The following ACOXL variants were observed in gnomAD, a reference collection of about 807,000 sequenced individuals.
The protein encoded by ACOXL is acyl-coenzyme A oxidase-like protein.
In ACOXL, 70 loss-of-function variants were observed where a neutral mutation model predicts 71.9. The ratio of observed to expected loss-of-function variants is 0.97; its 90% confidence interval spans 0.80 to 1.19. ACOXL has a LOEUF of 1.19. ACOXL is among the 50% of genes most tolerant of loss of function. ACOXL has a pLI of 0.00. For synonymous variants in ACOXL, 253 were observed against 281.6 expected (o/e 0.90, Z 1.02); for missense variants, 703 against 736.3 (o/e 0.95, Z 0.52).
rs1313593889 is a variant in ACOXL at position 111,031,626 on chromosome 2, G to C, written c.1282-1G>C. On this transcript the variant is annotated splice_acceptor_variant, in intron 14 of 17. Transcript: ENST00000439055. LOFTEE classifies it high-confidence loss of function. ...TGATTTTTCTTCTGTCGATTGGACA[G>C]GTAAAGACCAAGAAGGAGGATTTTT... is the stretch of plus-strand genomic sequence containing the variant. 5 of 1,613,906 alleles carry C rather than the reference G, an allele frequency of 3.1e-6. No individual in the cohort carries two copies. In the Admixed American group the frequency reaches 8.3e-5, roughly 27 times the overall value.
intron 17 of ACOXL, among the ~76,000 whole-genome samples, chr2:111,109,688 T>TTTA: frequency 7.1e-6 from 1 of 140,832 alleles, no homozygotes; most frequent in South Asian, 2.3e-4. Flanking sequence ...TTTTTTTTTT[T>TTTA]TTTTTTTTGA....
chr2:110,818,410 C>CAT (rs1371218363), intron 9 of ACOXL, among the ~76,000 whole-genome samples: 63 of 128,512 alleles, frequency 4.9e-4, no homozygotes, highest in Middle Eastern at 4.1e-3. Flanking sequence ...AAAAAAAAAA[C>CAT]ATATATATAT....
intron 11 of ACOXL, among the ~76,000 whole-genome samples, chr2:110,910,143 C>T (rs1428596880): frequency 6.6e-6 from 1 of 152,096 alleles, no homozygotes; most frequent in Non-Finnish European, 1.5e-5. Flanking sequence ...TGCAGTTGAC[C>T]CTCACCTCTC....
rs1687137705 is a variant in ACOXL at position 110,810,183 on chromosome 2, TTTGTGGC to T, written c.753+4790_753+4796del. ...CCTCCTCACATTAATAATCTCAATG[TTTGTGGC>T]TATTGCTGTAACACGATCAGGCCTT... On this transcript the variant is annotated intron_variant, in intron 9 of 17. Transcript: ENST00000439055. Among the ~76,000 whole-genome samples the T allele has an allele frequency of 3.9e-5, 6 of 152,352 alleles. No individual in the cohort carries two copies. The South Asian group carries it at 1.2e-3, about 32-fold the overall frequency.
intron 10 of ACOXL, among the ~76,000 whole-genome samples, chr2:110,871,331 C>T (rs1275997277): frequency 2.0e-5 from 3 of 152,012 alleles, no homozygotes; most frequent in East Asian, 1.9e-4. Flanking sequence ...GGAAATAGGA[C>T]CATGATACTC....
intron 12 of ACOXL, among the ~76,000 whole-genome samples, chr2:110,956,960 C>T (rs1401211292): frequency 6.6e-6 from 1 of 152,178 alleles, no homozygotes; most frequent in Non-Finnish European, 1.5e-5. Flanking sequence ...GAGGAGCTGT[C>T]TACCGAGTGA....
At chr2:110,906,209 G>A (rs185173292) in intron 10 of ACOXL, among the ~76,000 whole-genome samples, 45 of 152,116 alleles carry the variant, frequency 3.0e-4, no homozygotes, top group African/African-American at 9.6e-4. Flanking sequence ...CAAAGAGTTC[G>A]CCATAGAAAC....
intron 9 of ACOXL, among the ~76,000 whole-genome samples, chr2:110,811,488 G>A (rs1687309374): frequency 6.6e-6 from 1 of 152,160 alleles, no homozygotes; most frequent in African/African-American, 2.4e-5. Flanking sequence ...GTGCTCACAG[G>A]AGTGTGTTTC....
chr2:111,057,565 G>A lies in ACOXL; in HGVS notation c.1440+8277G>A, dbSNP rs148868279. Among the ~76,000 whole-genome samples, 337 of 152,316 alleles carry A rather than the reference G, an allele frequency of 2.2e-3. 3 individuals are homozygous for A. Among genetic ancestry groups the A allele is most frequent in the African/African-American group, 7.7e-3 (321 of 41,566 alleles). On this transcript the variant is annotated intron_variant, in intron 16 of 17. Transcript: ENST00000439055. ...ATGGTGTCCAGGCCAGGGGCCAGGAGTAGAGAGGGAGAGGGGTGGTAGGGG... is the reference window on the plus strand; with the variant it reads ...ATGGTGTCCAGGCCAGGGGCCAGGAATAGAGAGGGAGAGGGGTGGTAGGGG...
chr2:111,022,688 C>T (rs1446284399), intron 14 of ACOXL, among the ~76,000 whole-genome samples: 1 of 152,132 alleles, frequency 6.6e-6, no homozygotes, highest in African/African-American at 2.4e-5. Flanking sequence ...TGGGCAGGAC[C>T]CCCAGGGGCC....
chr2:110,878,743 C>T (rs1166579006), intron 10 of ACOXL, among the ~76,000 whole-genome samples: 2 of 151,884 alleles, frequency 1.3e-5, no homozygotes, highest in South Asian at 2.1e-4. Context: ...CCAGCCTGGG[C>T]AACAGAGCGA....
intron 1 of ACOXL, among the ~76,000 whole-genome samples, chr2:110,749,146 G>A (rs1260076414): frequency 1.3e-5 from 2 of 152,152 alleles, no homozygotes; most frequent in African/African-American, 2.4e-5. Context: ...CTGAAGATGT[G>A]TTTTCCACTA....
intron 16 of ACOXL, among the ~76,000 whole-genome samples, chr2:111,063,952 C>T (rs35888108): frequency 3.3e-5 from 5 of 152,016 alleles, no homozygotes; most frequent in Admixed American, 2.0e-4. Flanking sequence ...AGAGAAAGGA[C>T]GGAAGGAAAG....
rs553277955 is a variant in ACOXL at position 110,738,883 on chromosome 2, T to C, written c.-23+6109T>C. ...TGTGTCCTGGTGAGATTTTCTCAAC[T>C]TTTATCTTCCAACTCTTCTTGAGTT... is the stretch of plus-strand genomic sequence containing the variant. On this transcript the variant is annotated intron_variant, in intron 1 of 17. Transcript: ENST00000439055. Among the ~76,000 whole-genome samples, 12 of 152,342 alleles carry C rather than the reference T, an allele frequency of 7.9e-5. No homozygotes were observed. The South Asian group carries it at 2.5e-3, about 32-fold the overall frequency.
chr2:111,031,853 T>G (rs2065287487), intron 15 of ACOXL, 139 bp downstream of exon 15: 4 of 802,800 alleles, frequency 5.0e-6, no homozygotes. Flanking sequence ...GGGCCCCAAG[T>G]GACTTACAGA....
At chr2:111,062,574 C>T (rs1314167628) in intron 16 of ACOXL, among the ~76,000 whole-genome samples, 4 of 151,868 alleles carry the variant, frequency 2.6e-5, no homozygotes, top group African/African-American at 9.7e-5. Flanking sequence ...ATAAAGCAAA[C>T]CTCAAAAAAT....
intron 14 of ACOXL, among the ~76,000 whole-genome samples, chr2:110,996,603 C>T (rs1343839993): frequency 2.0e-5 from 3 of 152,222 alleles, no homozygotes; most frequent in African/African-American, 4.8e-5. Context: ...GGCTTTACTG[C>T]TCCTATTCTA....
At chr2:111,063,242 TAGA>T (rs1288401534) in intron 16 of ACOXL, among the ~76,000 whole-genome samples, 3 of 152,166 alleles carry the variant, frequency 2.0e-5, no homozygotes, top group Non-Finnish European at 4.4e-5. Flanking sequence ...TTCCATAATG[TAGA>T]AGAAGAGAGA....
chr2:110,887,684 T>A (rs1697468356), intron 10 of ACOXL: 1 of 152,402 alleles, frequency 6.6e-6, no homozygotes, highest in Admixed American at 6.5e-5. Flanking sequence ...GGTCTCTGAC[T>A]CCTGGTCTCT....
Sources: gnomAD v4.1 joint callset for allele counts (sites outside exome capture counted in the v4.1 genomes callset) on GRCh38, gnomAD v4.1.1 for gene constraint, MANE v1.5 for transcripts, NCBI Gene and HGNC (gene_info 2026-07-23, HGNC 2026-07-21) for gene names.